Variants in ARL5A observed in about 807,000 individuals in gnomAD.
ARL5A encodes the protein ARF like GTPase 5A.
A neutral mutation model predicts 25.9 loss-of-function variants in ARL5A; 18 were observed. That is an observed-to-expected ratio of 0.69 (90% CI 0.48 to 1.03). ARL5A has a LOEUF of 1.03. ARL5A is among the 50% of genes least tolerant of loss of function. ARL5A has a pLI of 0.00. For missense variants in ARL5A, 170 were observed against 211.9 expected (o/e 0.80, Z 1.23); for synonymous variants, 61 against 67.5 (o/e 0.90, Z 0.47).
chr2:151,811,251 T>C (rs568982371), intron 4 of ARL5A, among the ~76,000 whole-genome samples: 2 of 152,168 alleles, frequency 1.3e-5, no homozygotes, highest in South Asian at 2.1e-4. Context: ...AAGCAAATCA[T>C]CAAATCAATA....
intron 3 of ARL5A, among the ~76,000 whole-genome samples, chr2:151,813,704 ATG>A (rs1335209452): frequency 1.3e-5 from 2 of 152,208 alleles, no homozygotes; most frequent in Non-Finnish European, 2.9e-5. Flanking sequence ...TTGGGAAATA[ATG>A]TGTAAATAAA....
chr2:151,826,563 A>G (rs528518173), intron 1 of ARL5A, among the ~76,000 whole-genome samples: 4 of 152,370 alleles, frequency 2.6e-5, no homozygotes, highest in African/African-American at 9.6e-5. Flanking sequence ...GCTAAACCTC[A>G]CAGCAGATGA....
At chr2:151,812,521 G>T in intron 3 of ARL5A, 81 bp from the exon 4 acceptor site, 1 of 848,922 alleles carries the variant, frequency 1.2e-6, no homozygotes, top group Non-Finnish European at 1.7e-6. Context: ...TTGACATACA[G>T]GCTATTAATA....
chr2:151,818,606 T>G, intron 1 of ARL5A, among the ~76,000 whole-genome samples: 1 of 152,320 alleles, frequency 6.6e-6, no homozygotes, highest in Admixed American at 6.5e-5. Flanking sequence ...AGGCCATGCC[T>G]GCATGAGGGC....
rs1310610026 is a variant in ARL5A, at chr2:151,798,901, C to G, written c.*4375G>C. 1 of 151,942 alleles carries G rather than the reference C, an allele frequency of 6.6e-6. No individual in the cohort carries two copies. 9.4% of individuals were successfully genotyped at this position (151,942 alleles called of 1,614,324 possible). ...ACTATGGGAATTTTCTACCAAAGAA[C>G]AGGATATCTAGCAAGCAACAGCATA... On this transcript the variant is annotated 3_prime_UTR_variant, in exon 6 of 6. Transcript: ENST00000295087.
intron 1 of ARL5A, among the ~76,000 whole-genome samples, chr2:151,826,874 CT>C (rs767605937): frequency 6.6e-6 from 1 of 152,184 alleles, no homozygotes; most frequent in Non-Finnish European, 1.5e-5. Context: ...GAAAAATCCT[CT>C]TATCAGAAAA....
At chr2:151,813,711 A>G (rs780188370) in intron 3 of ARL5A, among the ~76,000 whole-genome samples, 2 of 152,212 alleles carry the variant, frequency 1.3e-5, no homozygotes, top group Non-Finnish European at 2.9e-5. Flanking sequence ...ATAATGTGTA[A>G]ATAAAAAGAT....
chr2:151,817,529 T>C (rs1484382719), intron 1 of ARL5A, among the ~76,000 whole-genome samples: 2 of 152,238 alleles, frequency 1.3e-5, no homozygotes, highest in Admixed American at 1.3e-4. Flanking sequence ...CCTAATGATC[T>C]ATAGGCACCT....
chr2:151,828,192 C>G lies in ARL5A; in HGVS notation c.-16G>C, dbSNP rs772224794. The G allele has an allele frequency of 8.1e-6, 13 of 1,600,918 alleles. No homozygotes were observed. The highest frequency in any genetic ancestry group is 1.1e-5 in the Non-Finnish European group (13 of 1,172,610). On this transcript the variant is annotated 5_prime_UTR_variant, in exon 1 of 6. Transcript: ENST00000295087. The stretch of plus-strand genomic sequence containing the variant: ...GAATTCCCATTCTCGGGCAGCGGAC[C>G]CCCCCCCTCCAGACACCCGGGCCGC...
Position 151,812,528 on chromosome 2 carries a change from A to G in ARL5A, c.256-88T>C, listed in dbSNP as rs2099830970. On this transcript the variant is annotated intron_variant, in intron 3 of 5. Transcript: ENST00000295087. ...GTGTTTATTTGACATACAGGCTATT[A>G]ATATCAAGAAATTGGAATCTTATGG... 5 of 780,660 alleles carry G rather than the reference A, an allele frequency of 6.4e-6. No homozygotes were observed. In the Admixed American group the frequency reaches 1.0e-4, roughly 16 times the overall value. The allele number at this position is 780,660 out of a possible 1,614,324, so 48.4% of individuals were successfully genotyped here.
Position 151,803,110 on chromosome 2 carries a change from G to T in ARL5A, c.*166C>A, listed in dbSNP as rs149953668. ...AACTAATGAGAAAGCAAACTGGAAG[G>T]TGAGACTTCATCTTTGTTTTCAAAT... On this transcript the variant is annotated 3_prime_UTR_variant, in exon 6 of 6. Transcript: ENST00000295087. 8,443 of 547,802 alleles carry T rather than the reference G, an allele frequency of 0.015. 107 individuals are homozygous for T. Among genetic ancestry groups the T allele is most frequent in the South Asian group, 0.028 (996 of 35,542 alleles). The allele number at this position is 547,802 out of a possible 1,614,324, so 33.9% of individuals were successfully genotyped here.
chr2:151,814,028 G>C (rs1271606798), intron 3 of ARL5A, 141 bp downstream of exon 3: 21 of 690,194 alleles, frequency 3.0e-5, no homozygotes, highest in Non-Finnish European at 4.6e-5. Context: ...CCTTGGAATA[G>C]GAAATCAGAT....
Position 151,815,297 on chromosome 2 carries a change from T to A in ARL5A, c.47-98A>T, listed in dbSNP as rs528770819. On this transcript the variant is annotated intron_variant, in intron 1 of 5. Transcript: ENST00000295087. ...ACTCTGTATCTCACCCTTCTATCTA[T>A]GGCATAATTCAGTGCATGGCACTTT... 6 of 984,786 alleles carry A rather than the reference T, an allele frequency of 6.1e-6. No homozygotes were observed. The East Asian group carries it at 1.3e-4, about 21-fold the overall frequency. 61.0% of individuals were successfully genotyped at this position (984,786 alleles called of 1,614,324 possible).
At position 151,802,319 on chromosome 2, in the gene ARL5A, A is replaced by G. The variant is rs1352992651; in HGVS notation, c.*957T>C. ...TAGAATGCTACTTTTCTGGGTAGAC[A>G]TGTTTCACAAAACAGTTTTCAATTA... is the stretch of plus-strand genomic sequence containing the variant. On this transcript the variant is annotated 3_prime_UTR_variant, in exon 6 of 6. Transcript: ENST00000295087. 1.3e-5 allele frequency: 2 copies of G among 152,124 alleles called. No individual in the cohort carries two copies. Among genetic ancestry groups the G allele is most frequent in the African/African-American group, 4.8e-5 (2 of 41,438 alleles). 9.4% of individuals were successfully genotyped at this position (152,124 alleles called of 1,614,324 possible).
In ARL5A at chr2:151,803,244, A is replaced by C. The variant is rs1228780624; in HGVS notation, c.*32T>G. On this transcript the variant is annotated 3_prime_UTR_variant, in exon 6 of 6. Coordinates refer to ENST00000295087, the MANE Select transcript of ARL5A (RefSeq NM_012097.4). ...TCAGGTAAAGTCCAGCACTTCATTT[A>C]TACAAAATCTATGAGAAGAGGTCAG... 6.4e-7 allele frequency: 1 copy of C among 1,570,618 alleles called. No individual in the cohort carries two copies. Among genetic ancestry groups the C allele is most frequent in the African/African-American group, 1.4e-5 (1 of 73,902 alleles).
At chr2:151,810,451 A>G (rs1432792049) in intron 4 of ARL5A, 5 of 358,378 alleles carry the variant, frequency 1.4e-5, no homozygotes, top group Admixed American at 1.3e-4. Flanking sequence ...CCTACTGAGT[A>G]CCTTGCTCAA....
At position 151,827,976 on chromosome 2, in the gene ARL5A, G is replaced by C. The variant is rs969746648; in HGVS notation, c.46+155C>G. On this transcript the variant is annotated intron_variant, in intron 1 of 5. Transcript: ENST00000295087. ...ATCCCCAAGCTCGGGAGCCGGGACC[G>C]AACCGTCCCGGGCCCGTATCCGCGC... 5 of 720,684 alleles carry C rather than the reference G, an allele frequency of 6.9e-6. No individual in the cohort carries two copies. In the African/African-American group the frequency reaches 7.6e-5, roughly 11 times the overall value. 44.6% of individuals were successfully genotyped at this position (720,684 alleles called of 1,614,324 possible). A position where few individuals can be genotyped will look rare whatever the true frequency, so the allele number is the denominator to read the frequency against.
At position 151,828,338 on chromosome 2, in the gene ARL5A, C is replaced by G; in HGVS notation, c.-162G>C. 1 of 575,336 alleles carries G rather than the reference C, an allele frequency of 1.7e-6. No individual in the cohort carries two copies. 35.6% of individuals were successfully genotyped at this position (575,336 alleles called of 1,614,324 possible). A position where few individuals can be genotyped will look rare whatever the true frequency, so the allele number is the denominator to read the frequency against. On this transcript the variant is annotated 5_prime_UTR_variant, in exon 1 of 6. Coordinates refer to ENST00000295087, the MANE Select transcript of ARL5A (RefSeq NM_012097.4). ...AGGGAACCGGAGGGAGGCCGAAGCC[C>G]AGGCCGCCCTGCCGCGCGCAAGGCC... is the stretch of plus-strand genomic sequence containing the variant.
intron 3 of ARL5A, 107 bp downstream of exon 3, chr2:151,814,062 G>T: frequency 2.8e-6 from 3 of 1,054,208 alleles, no homozygotes; most frequent in Non-Finnish European, 4.0e-6. Flanking sequence ...AACTCTCTAT[G>T]TATTAACATA....
Sources: gnomAD v4.1 joint callset for allele counts (sites outside exome capture counted in the v4.1 genomes callset) on GRCh38, gnomAD v4.1.1 for gene constraint, MANE v1.5 for transcripts, NCBI Gene and HGNC (gene_info 2026-07-23, HGNC 2026-07-21) for gene names.